Variants in CBFA2T3 observed in about 807,000 individuals in gnomAD.
CBFA2T3 encodes the protein CBFA2/RUNX1 partner transcriptional co-repressor 3.
Under a neutral mutation model 58.6 loss-of-function variants are expected in CBFA2T3, and 31 were observed. The ratio of observed to expected loss-of-function variants is 0.53; its 90% confidence interval spans 0.40 to 0.71. The LOEUF (loss-of-function observed/expected upper bound fraction) is 0.71, where lower values mean the gene tolerates loss of function less well. Ranked by LOEUF, CBFA2T3 falls within the 30% of genes least tolerant of loss-of-function variation. The pLI is 0.00. For synonymous variants in CBFA2T3, 531 were observed against 421.9 expected, an observed-to-expected ratio of 1.26 and a Z score of -3.17; for missense variants, 1,076 against 963.1, an observed-to-expected ratio of 1.12 and a Z score of -1.55.
At chr16:88,924,728 T>C (rs922206138) in intron 1 of CBFA2T3, among the ~76,000 whole-genome samples, 1 of 152,186 alleles carries the variant, frequency 6.6e-6, no homozygotes, top group Non-Finnish European at 1.5e-5. Context: ...TCTCACCCAT[T>C]GCCCCAGCTG....
chr16:88,907,547 C>G (rs898781337), intron 1 of CBFA2T3, among the ~76,000 whole-genome samples: 1 of 152,066 alleles, frequency 6.6e-6, no homozygotes, highest in Non-Finnish European at 1.5e-5. Context: ...TCCTGCGCTT[C>G]TCTATCTTAC....
intron 5 of CBFA2T3, among the ~76,000 whole-genome samples, chr16:88,888,843 T>C (rs753950517): frequency 1.1e-4 from 16 of 151,982 alleles, no homozygotes; most frequent in Non-Finnish European, 2.2e-4. Flanking sequence ...GAGCTCCAGC[T>C]ACCCCACACA....
intron 1 of CBFA2T3, among the ~76,000 whole-genome samples, chr16:88,942,135 G>T (rs1285469825): frequency 6.6e-6 from 1 of 152,190 alleles, no homozygotes; most frequent in East Asian, 1.9e-4. Flanking sequence ...GAAACGCCCC[G>T]AGCCGCTGCT....
Position 88,879,286 on chromosome 16 carries a change from T to C in CBFA2T3, c.1646A>G (p.Gln549Arg), listed in dbSNP as rs2142527735. 1 of 1,600,778 alleles carries C rather than the reference T, an allele frequency of 6.2e-7. No homozygotes were observed. Among genetic ancestry groups the C allele is most frequent in the Non-Finnish European group, 8.5e-7 (1 of 1,173,108 alleles). Residue 549 changes from glutamine to arginine, a missense_variant, in exon 11 of 12, where the codon CAG (glutamine) becomes CGG (arginine). Coordinates refer to ENST00000268679, the MANE Select transcript of CBFA2T3 (RefSeq NM_005187.6). ...TGGCCCTACCTCGCTGGAGTCCTCC[T>C]GCTGGTTGATGACCGTCAGGGCGTC... is the stretch of plus-strand genomic sequence containing the variant. The part of the protein sequence containing the change: ...SEDALTVINQ[Q>R]EDSSESCWNC...
chr16:88,888,839 C>A (rs1387338968), intron 5 of CBFA2T3, among the ~76,000 whole-genome samples: 2 of 151,950 alleles, frequency 1.3e-5, no homozygotes, highest in African/African-American at 4.8e-5. Context: ...CCCTGAGCTC[C>A]AGCTACCCCA....
intron 1 of CBFA2T3, among the ~76,000 whole-genome samples, chr16:88,961,414 C>T (rs1161550840): frequency 1.3e-5 from 2 of 151,712 alleles, no homozygotes; most frequent in African/African-American, 4.8e-5. Context: ...ATTCCCACTC[C>T]ATAGTAACCG....
intron 9 of CBFA2T3, 141 bp from the exon 10 acceptor site, chr16:88,880,929 A>G: frequency 1.2e-6 from 1 of 800,714 alleles, no homozygotes; most frequent in Admixed American, 2.1e-5. Context: ...CCCTCGGACA[A>G]GGTCTGGCTC....
intron 1 of CBFA2T3, among the ~76,000 whole-genome samples, chr16:88,908,452 A>G (rs533406): frequency 0.38 from 57,855 of 152,106 alleles, 11,412 homozygotes; most frequent in Middle Eastern, 0.46. Flanking sequence ...AGTTCCCAGC[A>G]AAATGTCACT....
chr16:88,932,646 A>G (rs1179078241), intron 1 of CBFA2T3, among the ~76,000 whole-genome samples: 2 of 148,850 alleles, frequency 1.3e-5, no homozygotes, highest in African/African-American at 5.0e-5. Context: ...GACCCCGACT[A>G]TAAGTAAAGG....
At chr16:88,886,909 C>T (rs926849658) in intron 5 of CBFA2T3, 4 of 152,282 alleles carry the variant, frequency 2.6e-5, no homozygotes, top group African/African-American at 9.6e-5. Context: ...GCCTTTGACG[C>T]CTGTGTGTAC....
rs1013260271 is a variant in CBFA2T3 at position 88,877,194 on chromosome 16, G to A, written c.1744C>T (p.His582Tyr). 4 of 1,555,288 alleles carry A rather than the reference G, an allele frequency of 2.6e-6. No individual in the cohort carries two copies. Among genetic ancestry groups the A allele is most frequent in the Non-Finnish European group, 3.5e-6 (4 of 1,149,912 alleles). Reference sequence around the variant, plus strand: ...TGGTGATGCTTCTCCCAGTCCCGATGCTGGCAGAAGGACCCGCAGTAGCGT... The same window carrying A: ...TGGTGATGCTTCTCCCAGTCCCGATACTGGCAGAAGGACCCGCAGTAGCGT... ...AARYCGSFCQ[H>Y]RDWEKHHHVC... is the part of the protein sequence containing the mutation. Residue 582 changes from histidine (H) to tyrosine (Y), a missense_variant, in exon 12 of 12, where the codon CAT becomes TAT. Coordinates refer to ENST00000268679, the MANE Select transcript of CBFA2T3 (RefSeq NM_005187.6).
intron 1 of CBFA2T3, among the ~76,000 whole-genome samples, chr16:88,970,891 G>A (rs750529878): frequency 1.3e-5 from 2 of 152,190 alleles, no homozygotes; most frequent in Non-Finnish European, 2.9e-5. Context: ...TTTTTCTCAT[G>A]GGGTGACAGA....
In CBFA2T3 at chr16:88,895,321, G is replaced by A. The variant is rs113206776; in HGVS notation, c.379+2757C>T. ...CCTCCACTCCGCCTTCCCAGAAGCC[G>A]CCTGAGGCTCCCACCTTCCCGACCC... On this transcript the variant is annotated intron_variant, in intron 3 of 11. Coordinates refer to ENST00000268679, the MANE Select transcript of CBFA2T3 (RefSeq NM_005187.6). 9.9e-3 allele frequency among the ~76,000 whole-genome samples: 1,507 copies of A among 152,294 alleles called. 28 individuals are homozygous for A. Among genetic ancestry groups the A allele is most frequent in the African/African-American group, 0.035 (1,435 of 41,548 alleles).
intron 9 of CBFA2T3, 113 bp from the exon 10 acceptor site, chr16:88,880,901 T>TG (rs1415267712): frequency 1.0e-5 from 10 of 999,624 alleles, no homozygotes; most frequent in Admixed American, 4.1e-5. Context: ...TGTGCGTCCC[T>TG]GGGGGGAGGC....
chr16:88,910,468 G>A (rs1970496744), intron 1 of CBFA2T3, among the ~76,000 whole-genome samples: 2 of 152,254 alleles, frequency 1.3e-5, no homozygotes, highest in South Asian at 2.1e-4. Flanking sequence ...CACTTGCTGC[G>A]TGGTGACTGA....
rs1222067112 is a variant in CBFA2T3, at chr16:88,886,039, G to C, written c.815C>G (p.Ala272Gly). The C allele has an allele frequency of 6.3e-7, 1 of 1,577,206 alleles. No individual in the cohort carries two copies. Among genetic ancestry groups the C allele is most frequent in the East Asian group, 2.3e-5 (1 of 43,838 alleles). Residue 272 changes from alanine to glycine, a missense_variant, in exon 6 of 12, where the codon GCC becomes GGC. Ala to Gly is a moderately conservative substitution (Grantham distance 60, BLOSUM62 0). Transcript: ENST00000268679. ...LAQHEQLLLD[A>G]SASSPIDSSE... is the part of the protein sequence containing the mutation. ...GGAGTCGATGGGGGAGGAGGCGCTG[G>C]CGTCCAGCAGGAGCTGCTCATGCTG...
Position 88,880,694 on chromosome 16 carries a change from G to A in CBFA2T3, c.1471+26C>T, listed in dbSNP as rs368613667. The A allele has an allele frequency of 3.9e-6, 6 of 1,548,342 alleles. No homozygotes were observed. In the African/African-American group the frequency reaches 4.1e-5, roughly 11 times the overall value. ...GGCCCTGGCCTCCCACAGCTCTGCT[G>A]GCCAGGCCCCTGCACCCCCACTCAC... On this transcript the variant is annotated intron_variant, in intron 10 of 11. Coordinates refer to ENST00000268679, the MANE Select transcript of CBFA2T3 (RefSeq NM_005187.6).
chr16:88,887,227 G>C (rs748179095), intron 5 of CBFA2T3: 1 of 152,268 alleles, frequency 6.6e-6, no homozygotes, highest in South Asian at 2.1e-4. Context: ...GAGCAGTGCC[G>C]GCTGCCGGCC....
At chr16:88,914,868 A>C (rs1331417862) in intron 1 of CBFA2T3, among the ~76,000 whole-genome samples, 1 of 152,160 alleles carries the variant, frequency 6.6e-6, no homozygotes, top group African/African-American at 2.4e-5. Flanking sequence ...GCCGCACACA[A>C]AGGAAGCACA....
Sources: allele counts gnomAD v4.1 joint callset (sites outside exome capture counted in the v4.1 genomes callset), GRCh38; gene constraint gnomAD v4.1.1; transcripts MANE v1.5; gene names NCBI Gene and HGNC (gene_info 2026-07-23, HGNC 2026-07-21).